The following HDLBP variants were observed in gnomAD, a reference collection of about 807,000 sequenced individuals.
HDLBP encodes high density lipoprotein binding protein.
In HDLBP, 30 loss-of-function variants were observed where a neutral mutation model predicts 137.3. The ratio of observed to expected loss-of-function variants is 0.22; its 90% confidence interval spans 0.16 to 0.30. The LOEUF (loss-of-function observed/expected upper bound fraction) is 0.30. Among genes scored for constraint, HDLBP ranks in the 10% least tolerant of loss-of-function variants. The pLI, the probability that HDLBP is intolerant of heterozygous loss-of-function variation, is 1.00. For missense variants in HDLBP, 1,119 were observed against 1,667.3 expected (o/e 0.67, Z 5.73); for synonymous variants, 606 against 596.0 (o/e 1.02, Z -0.24).
chr2:241,290,339 A>G (rs1559547303), intron 1 of HDLBP, among the ~76,000 whole-genome samples: 1 of 152,196 alleles, frequency 6.6e-6, no homozygotes, highest in Non-Finnish European at 1.5e-5. Flanking sequence ...GGCCGGGTAC[A>G]GTGGTTTACG....
chr2:241,270,059 C>G (rs144277876), intron 1 of HDLBP, among the ~76,000 whole-genome samples: 1 of 152,160 alleles, frequency 6.6e-6, no homozygotes, highest in South Asian at 2.1e-4. Context: ...AATGCAGTTC[C>G]GTCCATGTCA....
At chr2:241,245,836 A>G (rs777521734) in intron 16 of HDLBP, among the ~76,000 whole-genome samples, 3 of 152,144 alleles carry the variant, frequency 2.0e-5, no homozygotes, top group Admixed American at 1.3e-4. Context: ...AAAAAATAAC[A>G]TAGACTTTGG....
chr2:241,231,236 T>G, intron 24 of HDLBP: 1 of 279,182 alleles, frequency 3.6e-6, no homozygotes, highest in Non-Finnish European at 6.9e-6. Context: ...AATACAATAT[T>G]AGCCGGGCGT....
intron 12 of HDLBP, among the ~76,000 whole-genome samples, chr2:241,249,639 C>A (rs904237881): frequency 2.0e-5 from 3 of 152,250 alleles, no homozygotes; most frequent in Non-Finnish European, 4.4e-5. Context: ...GCACAGCACA[C>A]AGCCATGGAG....
chr2:241,240,092 C>T lies in HDLBP; in HGVS notation c.2200G>A (p.Ala734Thr), dbSNP rs756241811. 10 of 1,614,036 alleles carry T rather than the reference C, an allele frequency of 6.2e-6. No homozygotes were observed. The highest frequency in any genetic ancestry group is 8.5e-6 in the Non-Finnish European group (10 of 1,180,048). Residue 734 changes from alanine (A) to threonine (T), a missense_variant, in exon 18 of 28, where the codon GCC becomes ACC. By Grantham distance (58) the Ala-to-Thr change is moderately conservative (BLOSUM62 0). Coordinates refer to ENST00000310931, the MANE Select transcript of HDLBP (RefSeq NM_005336.6). This position sits in a 1 kb window ranked among gnomAD's most constrained non-coding sequence, Gnocchi z 5.5. ...QTKSFTVDIR[A>T]KPEYHKFLIG... ...AGGAATTTGTGGTATTCTGGCTTGG[C>T]GCGGATGTCAACAGTGAAACTCTTG...
chr2:241,240,074 TGTG>T lies in HDLBP; in HGVS notation c.2215_2217del (p.His739del). On this transcript the variant is annotated inframe_deletion, in exon 18 of 28. Transcript: ENST00000310931. This position sits in a 1 kb window ranked among gnomAD's most constrained non-coding sequence, Gnocchi z 5.5. ...CCGCCCCCCTTGCCGATGAGGAATT[TGTG>T]GTATTCTGGCTTGGCGCGGATGTCA... is the stretch of plus-strand genomic sequence containing the variant. 6.2e-7 allele frequency: 1 copy of T among 1,614,212 alleles called. No individual in the cohort carries two copies. The highest frequency in any genetic ancestry group is 2.2e-5 in the East Asian group (1 of 44,882).
intron 1 of HDLBP, among the ~76,000 whole-genome samples, chr2:241,303,856 T>C (rs1163406704): frequency 1.3e-5 from 2 of 152,322 alleles, no homozygotes; most frequent in East Asian, 1.9e-4. Context: ...TGACCCAGAA[T>C]GGAGTGCAGT....
intron 1 of HDLBP, among the ~76,000 whole-genome samples, chr2:241,298,820 A>C (rs1016223030): frequency 1.3e-5 from 2 of 152,176 alleles, no homozygotes; most frequent in African/African-American, 4.8e-5. Flanking sequence ...AACACCAAAC[A>C]AACCCACAAT....
chr2:241,238,415 C>T lies in HDLBP; in HGVS notation c.2749+234G>A, dbSNP rs1248257709. 8.3e-6 allele frequency: 3 copies of T among 361,854 alleles called. No homozygotes were observed. Among genetic ancestry groups the T allele is most frequent in the African/African-American group, 6.3e-5 (3 of 47,992 alleles). The allele number at this position is 361,854 out of a possible 1,614,324, so 22.4% of individuals were successfully genotyped here. A position where few individuals can be genotyped will look rare whatever the true frequency, so the allele number is the denominator to read the frequency against. On this transcript the variant is annotated intron_variant, in intron 20 of 27. Transcript: ENST00000310931. This position sits in a 1 kb window ranked among gnomAD's most constrained non-coding sequence, Gnocchi z 4.9. ...ACGCTCCTCATCGCCTTGGGACTGG[C>T]TACCTTGTGTGTCTCTAGGACCTAT...
intron 1 of HDLBP, chr2:241,302,682 C>A (rs1029461137): frequency 6.6e-6 from 1 of 152,388 alleles, no homozygotes; most frequent in African/African-American, 2.4e-5. Context: ...GGATAAGAGC[C>A]CTTTTCTCCA....
chr2:241,274,444 C>T (rs1020371496), intron 1 of HDLBP, among the ~76,000 whole-genome samples: 12 of 152,178 alleles, frequency 7.9e-5, no homozygotes, highest in African/African-American at 1.7e-4. Context: ...GTAACCTTTC[C>T]GTGGGGATTA....
chr2:241,281,857 T>C (rs1360016968), intron 1 of HDLBP, among the ~76,000 whole-genome samples: 1 of 152,214 alleles, frequency 6.6e-6, no homozygotes, highest in Non-Finnish European at 1.5e-5. Context: ...AGGCAGATGT[T>C]GGAAAATTTT....
chr2:241,281,148 G>T (rs1055558948), intron 1 of HDLBP, among the ~76,000 whole-genome samples: 1 of 152,202 alleles, frequency 6.6e-6, no homozygotes, highest in Non-Finnish European at 1.5e-5. Flanking sequence ...TTGAGGTCGA[G>T]AGATCGAGAT....
intron 14 of HDLBP, chr2:241,247,410 G>A (rs896307965): frequency 2.1e-6 from 1 of 480,072 alleles, no homozygotes; most frequent in Non-Finnish European, 3.8e-6. Context: ...TAAGGAAGGG[G>A]CTCAGAACAC....
At chr2:241,247,543 G>A (rs1456493326) in intron 14 of HDLBP, 6 of 280,852 alleles carry the variant, frequency 2.1e-5, no homozygotes, top group Admixed American at 4.8e-5. Context: ...ATCAGCTAAG[G>A]TGAAGCCCAC....
chr2:241,297,882 T>C (rs543553605), intron 1 of HDLBP, among the ~76,000 whole-genome samples: 35 of 151,656 alleles, frequency 2.3e-4, no homozygotes, highest in African/African-American at 7.7e-4. Context: ...ACCTTCTCTC[T>C]ACTAAAAATA....
In HDLBP at chr2:241,272,981, T is replaced by G; in HGVS notation, c.-102-4440A>C. 1.0e-6 allele frequency: 1 copy of G among 980,830 alleles called. No individual in the cohort carries two copies. The highest frequency in any genetic ancestry group is 1.2e-6 in the Non-Finnish European group (1 of 825,578). 60.8% of individuals were successfully genotyped at this position (980,830 alleles called of 1,614,324 possible). ...GCCCACCCAACTGCAGGCGTGGTTC[T>G]GCATCCTTTTTTCGGGTGGGGAAGG... On this transcript the variant is annotated intron_variant, in intron 1 of 27. Coordinates refer to ENST00000310931, the MANE Select transcript of HDLBP (RefSeq NM_005336.6). This position sits in a 1 kb window ranked among gnomAD's most constrained non-coding sequence, Gnocchi z 5.6.
At chr2:241,251,628 T>G (rs1184571256) in intron 11 of HDLBP, among the ~76,000 whole-genome samples, 1 of 152,234 alleles carries the variant, frequency 6.6e-6, no homozygotes, top group African/African-American at 2.4e-5. Flanking sequence ...GCACTTGTTT[T>G]CAGAACACGC....
intron 17 of HDLBP, 73 bp downstream of exon 17, chr2:241,242,387 A>G (rs2071328446): frequency 1.5e-6 from 2 of 1,304,782 alleles, no homozygotes; most frequent in Non-Finnish European, 2.2e-6. Context: ...AGGGGTTTCC[A>G]CAGTGAGAAG....
Sources: gnomAD v4.1 joint callset for allele counts (sites outside exome capture counted in the v4.1 genomes callset) on GRCh38, gnomAD v4.1.1 for gene constraint, Gnocchi (gnomAD v3.1) non-coding constraint, MANE v1.5 for transcripts, NCBI Gene and HGNC (gene_info 2026-07-23, HGNC 2026-07-21) for gene names.